CTNNA3: variants seen among roughly 807,000 people sequenced by gnomAD.
CTNNA3 encodes catenin alpha-3.
CTNNA3 carries 76 observed loss-of-function variants against 95.7 expected under a neutral mutation model. The observed-to-expected ratio is 0.79, with a 90% CI of 0.66 to 0.96. The LOEUF is 0.96. Among genes scored for constraint, CTNNA3 ranks in the 40% least tolerant of loss-of-function variants. The pLI is 0.00. For missense variants in CTNNA3, 1,191 were observed against 1,089.8 expected, an observed-to-expected ratio of 1.09 and a Z score of -1.31; for synonymous variants, 431 against 374.4, an observed-to-expected ratio of 1.15 and a Z score of -1.74.
At position 66,062,642 on chromosome 10, in the gene CTNNA3, T is replaced by C. The variant is rs184572275; in HGVS notation, c.2159+6666A>G. On this transcript the variant is annotated intron_variant, in intron 15 of 17. Coordinates refer to ENST00000433211, the MANE Select transcript of CTNNA3 (RefSeq NM_013266.4). The stretch of plus-strand genomic sequence containing the variant: ...ACAATTGGAGATTTATCACAGTTTA[T>C]ATGAACTGAAATTTAGGTGACTCTG... Among the ~76,000 whole-genome samples the C allele has an allele frequency of 2.6e-3, 390 of 152,328 alleles. 6 individuals are homozygous for C. Among genetic ancestry groups the C allele is most frequent in the African/African-American group, 9.1e-3 (377 of 41,588 alleles).
intron 7 of CTNNA3, among the ~76,000 whole-genome samples, chr10:67,045,739 C>G (rs907300485): frequency 6.6e-6 from 1 of 152,106 alleles, no homozygotes; most frequent in African/African-American, 2.4e-5. Flanking sequence ...CCAAGGCCCC[C>G]CTCTGTTTTT....
intron 5 of CTNNA3, among the ~76,000 whole-genome samples, chr10:67,459,570 T>G (rs992809289): frequency 4.6e-5 from 7 of 152,216 alleles, no homozygotes; most frequent in African/African-American, 9.6e-5. Context: ...ACACTTCTGT[T>G]GGACATGAAT....
rs531857845 is a variant in CTNNA3, at chr10:67,715,135, T to C, written c.-2+48299A>G. ...GGGCTAATTTCTGGCACTTGGACAA[T>C]AGAAACTTGAGCTATTGGAATCTAC... On this transcript the variant is annotated intron_variant, in intron 1 of 17. Coordinates refer to the CTNNA3 transcript ENST00000684154. Among the ~76,000 whole-genome samples, 5 of 152,282 alleles carry C rather than the reference T, an allele frequency of 3.3e-5. 1 individual carries two copies. The East Asian group carries it at 7.7e-4, about 24-fold the overall frequency.
At chr10:67,372,377 T>G (rs1375574104) in intron 5 of CTNNA3, among the ~76,000 whole-genome samples, 1 of 152,188 alleles carries the variant, frequency 6.6e-6, no homozygotes. Flanking sequence ...CATTTAAGTC[T>G]TTAATCCATA....
chr10:67,558,815 A>G (rs910742186), intron 3 of CTNNA3, among the ~76,000 whole-genome samples: 2 of 152,240 alleles, frequency 1.3e-5, no homozygotes, highest in Non-Finnish European at 2.9e-5. Context: ...GGCTTAAAAA[A>G]TGGCACGCCA....
chr10:67,627,037 T>C (rs1285491029), intron 2 of CTNNA3, among the ~76,000 whole-genome samples: 2 of 152,182 alleles, frequency 1.3e-5, no homozygotes, highest in African/African-American at 4.8e-5. Context: ...TGTTTTAAGG[T>C]CATAAAACTG....
chr10:66,620,562 A>C (rs1426703859), intron 10 of CTNNA3, among the ~76,000 whole-genome samples: 1 of 152,214 alleles, frequency 6.6e-6, no homozygotes, highest in East Asian at 1.9e-4. Flanking sequence ...CAATGTGCAG[A>C]GATGAAAACA....
intron 13 of CTNNA3, among the ~76,000 whole-genome samples, chr10:66,177,684 A>T (rs2085789767): frequency 6.6e-6 from 1 of 152,090 alleles, no homozygotes; most frequent in Non-Finnish European, 1.5e-5. Flanking sequence ...AGCATTTTAT[A>T]TGAATATGAA....
intron 14 of CTNNA3, among the ~76,000 whole-genome samples, chr10:66,076,411 C>T (rs2080560780): frequency 6.6e-6 from 1 of 151,500 alleles, no homozygotes; most frequent in African/African-American, 2.4e-5. Context: ...AAATATATTC[C>T]TGAGAATTCA....
chr10:67,672,517 A>T (rs1192910524), intron 1 of CTNNA3, among the ~76,000 whole-genome samples: 1 of 152,122 alleles, frequency 6.6e-6, no homozygotes, highest in East Asian at 1.9e-4. Flanking sequence ...TCTTTAATCC[A>T]TCTTGAATTA....
At chr10:67,370,058 GTA>G (rs1843362728) in intron 5 of CTNNA3, among the ~76,000 whole-genome samples, 1 of 152,154 alleles carries the variant, frequency 6.6e-6, no homozygotes, top group South Asian at 2.1e-4. Flanking sequence ...ATGTATGTGT[GTA>G]TATATATAGT....
chr10:66,043,506 A>G (rs1454453671), intron 15 of CTNNA3, among the ~76,000 whole-genome samples: 3 of 152,192 alleles, frequency 2.0e-5, no homozygotes, highest in African/African-American at 7.2e-5. Flanking sequence ...CAAATGAGCC[A>G]GATTTGAAAT....
Position 66,574,504 on chromosome 10 carries a change from T to C in CTNNA3, c.1374+47188A>G, listed in dbSNP as rs540367455. 1.4e-3 allele frequency among the ~76,000 whole-genome samples: 212 copies of C among 152,236 alleles called. 1 individual carries two copies. The highest frequency in any genetic ancestry group is 4.5e-3 in the African/African-American group (188 of 41,554). On this transcript the variant is annotated intron_variant, in intron 10 of 17. Transcript: ENST00000433211. Reference sequence around the variant, plus strand: ...ATAAGAAAAAACTAGGAAATAACGTTCTTTACATGTGAATAATTTCTTTTT... The same window carrying C: ...ATAAGAAAAAACTAGGAAATAACGTCCTTTACATGTGAATAATTTCTTTTT...
chr10:66,383,802 A>G (rs748744835), intron 11 of CTNNA3, among the ~76,000 whole-genome samples: 6 of 152,194 alleles, frequency 3.9e-5, no homozygotes, highest in Non-Finnish European at 8.8e-5. Context: ...CAACATTCTT[A>G]AAGAAAGGAA....
intron 1 of CTNNA3, among the ~76,000 whole-genome samples, chr10:67,755,604 C>A (rs1017126772): frequency 1.3e-5 from 2 of 151,818 alleles, no homozygotes; most frequent in East Asian, 3.9e-4. Context: ...GAGTTTGAGA[C>A]CAGCCTGGCC....
chr10:66,574,674 G>T (rs928551519), intron 10 of CTNNA3, among the ~76,000 whole-genome samples: 1 of 151,994 alleles, frequency 6.6e-6, no homozygotes, highest in Non-Finnish European at 1.5e-5. Context: ...TGTAATCTGA[G>T]TATTAAAGTA....
chr10:67,511,591 G>T (rs771939520), intron 5 of CTNNA3, among the ~76,000 whole-genome samples: 31 of 152,310 alleles, frequency 2.0e-4, no homozygotes, highest in Non-Finnish European at 3.5e-4. Context: ...GCTGGATTCG[G>T]TTCACCAGTA....
At chr10:67,369,096 TA>T (rs376206381) in intron 5 of CTNNA3, among the ~76,000 whole-genome samples, 179 of 152,294 alleles carry the variant, frequency 1.2e-3, no homozygotes, top group African/African-American at 4.0e-3. Flanking sequence ...ACCCTGTCAC[TA>T]AAATATGTAT....
At chr10:66,278,527 T>A (rs769332699) in intron 13 of CTNNA3, among the ~76,000 whole-genome samples, 1 of 152,084 alleles carries the variant, frequency 6.6e-6, no homozygotes, top group Non-Finnish European at 1.5e-5. Flanking sequence ...CAATAAATTG[T>A]TCTCCTGCCC....
Sources: allele counts gnomAD v4.1 joint callset (sites outside exome capture counted in the v4.1 genomes callset), GRCh38; gene constraint gnomAD v4.1.1; transcripts MANE v1.5; gene names NCBI Gene and HGNC (gene_info 2026-07-23, HGNC 2026-07-21).